Variants in SORT1 observed in about 807,000 individuals in gnomAD.
SORT1 encodes sortilin 1.
Under a neutral mutation model 101.7 loss-of-function variants are expected in SORT1, and 39 were observed. The ratio of observed to expected loss-of-function variants is 0.38; its 90% CI spans 0.30 to 0.50. The LOEUF is 0.50. SORT1 is among the 20% of genes least tolerant of loss of function. The pLI, the probability that SORT1 is intolerant of heterozygous loss-of-function variation, is 0.90. For missense variants in SORT1, 878 were observed against 1,040.4 expected (o/e 0.84, Z 2.15); for synonymous variants, 396 against 393.7 (o/e 1.01, Z -0.07).
intron 7 of SORT1, among the ~76,000 whole-genome samples, chr1:109,347,076 C>T (rs1334001203): frequency 6.6e-6 from 1 of 152,158 alleles, no homozygotes; most frequent in Non-Finnish European, 1.5e-5. Context: ...AGCAGGTGCT[C>T]AAATATCTGT....
intron 11 of SORT1, among the ~76,000 whole-genome samples, chr1:109,327,959 T>C (rs139679638): frequency 6.6e-6 from 1 of 152,352 alleles, no homozygotes; most frequent in Non-Finnish European, 1.5e-5. Context: ...ATAAGTAGAA[T>C]CACATAATAT....
At chr1:109,375,771 G>A (rs570875026) in intron 1 of SORT1, among the ~76,000 whole-genome samples, 4 of 152,116 alleles carry the variant, frequency 2.6e-5, no homozygotes, top group South Asian at 2.1e-4. Flanking sequence ...AATGATAGCC[G>A]ACTCTTCCTA....
At position 109,354,373 on chromosome 1, in the gene SORT1, G is replaced by T; in HGVS notation, c.702C>A (p.Ser234Arg). 6.2e-7 allele frequency: 1 copy of T among 1,612,802 alleles called. No individual in the cohort carries two copies. Among genetic ancestry groups the T allele is most frequent in the Non-Finnish European group, 8.5e-7 (1 of 1,179,032 alleles). Residue 234 changes from serine (S) to arginine (R), a missense_variant, in exon 5 of 20, where the codon AGC becomes AGA. Transcript: ENST00000256637. ...GTTCCTCAACTGGACTTACTTCAGT[G>T]CTGAGAGCTAAAAGATAATCAGAAT... ...PQNSDYLLAL[S>R]TENGLWVSKN...
intron 9 of SORT1, among the ~76,000 whole-genome samples, chr1:109,341,208 A>T (rs1242109020): frequency 6.6e-6 from 1 of 152,200 alleles, no homozygotes; most frequent in Non-Finnish European, 1.5e-5. Flanking sequence ...AAATCTTTAC[A>T]CTCTAGAACA....
At chr1:109,367,627 G>A in intron 2 of SORT1, 146 bp from the exon 3 acceptor site, 1 of 524,910 alleles carries the variant, frequency 1.9e-6, no homozygotes, top group South Asian at 2.8e-5. Context: ...CTAGTTACTA[G>A]GGCTGAGAAT....
At chr1:109,346,446 A>T (rs1271380595) in intron 7 of SORT1, among the ~76,000 whole-genome samples, 1 of 151,388 alleles carries the variant, frequency 6.6e-6, no homozygotes, top group Non-Finnish European at 1.5e-5. Context: ...TGTTTCATAA[A>T]AACATCAAAG....
At chr1:109,359,131 G>A (rs1650542578) in intron 3 of SORT1, among the ~76,000 whole-genome samples, 1 of 152,300 alleles carries the variant, frequency 6.6e-6, no homozygotes, top group South Asian at 2.1e-4. Context: ...AGAAGTCCAA[G>A]ATGAAGGTGC....
At chr1:109,357,168 G>A (rs1302066986) in intron 3 of SORT1, among the ~76,000 whole-genome samples, 4 of 152,162 alleles carry the variant, frequency 2.6e-5, no homozygotes, top group Non-Finnish European at 4.4e-5. Flanking sequence ...TGCTCTACAG[G>A]TTTGTTGCCT....
chr1:109,344,645 C>T (rs1649461088), intron 8 of SORT1, among the ~76,000 whole-genome samples: 1 of 152,180 alleles, frequency 6.6e-6, no homozygotes, highest in Non-Finnish European at 1.5e-5. Flanking sequence ...TGTTTTCTTA[C>T]TGTTTTAGAT....
intron 11 of SORT1, among the ~76,000 whole-genome samples, chr1:109,334,829 A>G (rs1354102001): frequency 6.6e-6 from 1 of 152,214 alleles, no homozygotes; most frequent in Non-Finnish European, 1.5e-5. Flanking sequence ...AGCTGGGGAA[A>G]AAAGAAATGT....
intron 1 of SORT1, among the ~76,000 whole-genome samples, chr1:109,386,731 T>C (rs1219682064): frequency 6.6e-6 from 1 of 152,176 alleles, no homozygotes; most frequent in Non-Finnish European, 1.5e-5. Flanking sequence ...AATATGCACA[T>C]AATAAAAAAT....
At chr1:109,317,534 G>A (rs1049845075) in intron 16 of SORT1, among the ~76,000 whole-genome samples, 7 of 152,238 alleles carry the variant, frequency 4.6e-5, no homozygotes, top group Non-Finnish European at 7.3e-5. Flanking sequence ...GGACGCTTCT[G>A]TCATTCTGCC....
chr1:109,327,571 T>C lies in SORT1; in HGVS notation c.1402A>G (p.Ile468Val), dbSNP rs144898224. The C allele has an allele frequency of 1.7e-5, 28 of 1,610,414 alleles. No individual in the cohort carries two copies. Among genetic ancestry groups the C allele is most frequent in the Non-Finnish European group, 2.3e-5 (27 of 1,178,782 alleles). ...CSLHIHASYSISQKLNVPMAP... is the reference protein window; with the variant it reads ...CSLHIHASYSVSQKLNVPMAP... ...ATTGGAACATTCAGTTTCTGGGAGA[T>C]GCTGTAGGAAGCATGAATATGAAGG... is the stretch of plus-strand genomic sequence containing the variant. Residue 468 changes from isoleucine (I) to valine (V), a missense_variant, in exon 12 of 20, where the codon ATC becomes GTC. Transcript: ENST00000256637.
Position 109,359,954 on chromosome 1 carries a change from T to C in SORT1, c.441-4485A>G, listed in dbSNP as rs546594270. Among the ~76,000 whole-genome samples the C allele has an allele frequency of 3.9e-5, 6 of 152,302 alleles. No individual in the cohort carries two copies. The South Asian group carries it at 1.0e-3, about 26-fold the overall frequency. ...TGTACCTGTGAAACCAAACAAGTTA[T>C]GCACTTCCAAAATACAATGGTGGGA... On this transcript the variant is annotated intron_variant, in intron 3 of 19. Transcript: ENST00000256637.
intron 16 of SORT1, among the ~76,000 whole-genome samples, 158 bp from the exon 17 acceptor site, chr1:109,317,116 A>G (rs575508645): frequency 3.3e-4 from 50 of 152,092 alleles, no homozygotes; most frequent in African/African-American, 1.2e-3. Context: ...GTTTTGGGGG[A>G]TATTTTGTGT....
rs149066688 is a variant in SORT1 at position 109,367,325 on chromosome 1, C to T, written c.440+83G>A. On this transcript the variant is annotated intron_variant, in intron 3 of 19. Coordinates refer to ENST00000256637, the MANE Select transcript of SORT1 (RefSeq NM_002959.7). ...AGAAGATCTTTTACATCAACTGTTACGTGCCATCATGTCTAGAAAAGGGAG... is the reference window on the plus strand; with the variant it reads ...AGAAGATCTTTTACATCAACTGTTATGTGCCATCATGTCTAGAAAAGGGAG... The T allele has an allele frequency of 2.0e-4, 155 of 765,124 alleles. 2 individuals carry two copies. The East Asian group carries it at 2.8e-3, about 14-fold the overall frequency. The allele number at this position is 765,124 out of a possible 1,614,324, so 47.4% of individuals were successfully genotyped here.
intron 1 of SORT1, chr1:109,393,205 C>G: frequency 1.0e-6 from 1 of 984,870 alleles, no homozygotes; most frequent in Non-Finnish European, 1.2e-6. Context: ...CCATACAACA[C>G]GGCCTCTCTA....
intron 1 of SORT1, among the ~76,000 whole-genome samples, chr1:109,385,994 T>C (rs970326637): frequency 2.6e-5 from 4 of 152,214 alleles, no homozygotes; most frequent in African/African-American, 9.6e-5. Context: ...TGTGTATAGG[T>C]GCTCGACAAA....
intron 1 of SORT1, among the ~76,000 whole-genome samples, chr1:109,377,606 C>T (rs77080787): frequency 1.4e-4 from 22 of 152,168 alleles, no homozygotes; most frequent in Non-Finnish European, 8.8e-5. Flanking sequence ...ATTAACTTCA[C>T]GTAGCTAAAC....
Sources: gnomAD v4.1 joint callset for allele counts (sites outside exome capture counted in the v4.1 genomes callset) on GRCh38, gnomAD v4.1.1 for gene constraint, MANE v1.5 for transcripts, NCBI Gene and HGNC (gene_info 2026-07-23, HGNC 2026-07-21) for gene names.